Variants in USH2A observed in about 807,000 individuals in gnomAD.
USH2A encodes usherin.
Under a neutral mutation model 538.9 loss-of-function variants are expected in USH2A, and 443 were observed. The ratio of observed to expected loss-of-function variants is 0.82; its 90% CI spans 0.76 to 0.89. The LOEUF (loss-of-function observed/expected upper bound fraction) is 0.89. Ranked by LOEUF, USH2A falls within the 40% of genes least tolerant of loss-of-function variation. The pLI, the probability that USH2A is intolerant of heterozygous loss-of-function variation, is 0.00. For synonymous variants in USH2A, 2,413 were observed against 2,273.5 expected, an observed-to-expected ratio of 1.06 and a Z score of -1.75; for missense variants, 6,633 against 6,324.8, an observed-to-expected ratio of 1.05 and a Z score of -1.65.
chr1:216,196,454 T>C lies in USH2A; in HGVS notation c.4251+99A>G. 8.0e-6 allele frequency: 11 copies of C among 1,371,468 alleles called. No homozygotes were observed. The South Asian group carries it at 1.2e-4, about 15-fold the overall frequency. 85.0% of individuals were successfully genotyped at this position (1,371,468 alleles called of 1,614,324 possible). A position where few individuals can be genotyped will look rare whatever the true frequency, so the allele number is the denominator to read the frequency against. ...GAAAAAATGCCCTGTTTAATCAATATAGAGGGAGAATTCTGTCACAGAATT... is the reference window on the plus strand; with the variant it reads ...GAAAAAATGCCCTGTTTAATCAATACAGAGGGAGAATTCTGTCACAGAATT... On this transcript the variant is annotated intron_variant, in intron 19 of 71. Transcript: ENST00000307340.
chr1:215,700,634 C>T (rs2102689351), intron 61 of USH2A, among the ~76,000 whole-genome samples: 1 of 152,250 alleles, frequency 6.6e-6, no homozygotes, highest in Admixed American at 6.5e-5. Context: ...GTTTGTATTT[C>T]TGTGGGATCA....
At chr1:216,152,008 C>G (rs1377664992) in intron 21 of USH2A, among the ~76,000 whole-genome samples, 2 of 152,018 alleles carry the variant, frequency 1.3e-5, no homozygotes, top group Non-Finnish European at 2.9e-5. Context: ...TCTAACATCC[C>G]CACAATATCA....
chr1:215,932,918 A>G (rs1401390937), intron 38 of USH2A, among the ~76,000 whole-genome samples: 1 of 152,038 alleles, frequency 6.6e-6, no homozygotes, highest in Non-Finnish European at 1.5e-5. Flanking sequence ...CACATAGCGC[A>G]TATTCCGTTA....
chr1:216,348,451 A>G (rs2038219822), intron 4 of USH2A, among the ~76,000 whole-genome samples: 1 of 152,078 alleles, frequency 6.6e-6, no homozygotes, highest in Admixed American at 6.6e-5. Flanking sequence ...GCCCGAAGAT[A>G]TCTTAGGACC....
At chr1:216,266,887 GATT>G (rs1218582931) in intron 11 of USH2A, among the ~76,000 whole-genome samples, 1 of 151,724 alleles carries the variant, frequency 6.6e-6, no homozygotes, top group Non-Finnish European at 1.5e-5. Flanking sequence ...TTTGCTGATA[GATT>G]ATTATGTATT....
chr1:216,323,276 TTATA>T lies in USH2A; in HGVS notation c.1550+194_1550+197del, dbSNP rs67957139. On this transcript the variant is annotated intron_variant, in intron 8 of 71. Coordinates refer to ENST00000307340, the MANE Select transcript of USH2A (RefSeq NM_206933.4). Reference sequence around the variant, plus strand: ...TATATATTTATTTATAAAATACGTTTTATATATATATATATATATATATATAACA... The same window carrying T: ...TATATATTTATTTATAAAATACGTTTTATATATATATATATATATATAACA... 0.049 allele frequency among the ~76,000 whole-genome samples: 6,776 copies of T among 136,984 alleles called. 176 individuals are homozygous for T. Among genetic ancestry groups the T allele is most frequent in the African/African-American group, 0.069 (2,597 of 37,734 alleles). The allele number at this position is 136,984 out of a possible 152,430, so 89.9% of individuals were successfully genotyped here.
chr1:215,651,564 T>C (rs1434625544), intron 64 of USH2A, among the ~76,000 whole-genome samples: 2 of 152,042 alleles, frequency 1.3e-5, no homozygotes, highest in Admixed American at 1.3e-4. Context: ...GTGTTTCTTC[T>C]ACATTATATA....
chr1:215,795,524 AC>A (rs1277364905), intron 50 of USH2A, among the ~76,000 whole-genome samples: 2 of 152,224 alleles, frequency 1.3e-5, no homozygotes, highest in Non-Finnish European at 2.9e-5. Flanking sequence ...TACATATTTA[AC>A]AAAGGACGGA....
chr1:216,159,288 C>G (rs1356367896), intron 21 of USH2A, among the ~76,000 whole-genome samples: 1 of 152,006 alleles, frequency 6.6e-6, no homozygotes, highest in Non-Finnish European at 1.5e-5. Flanking sequence ...TGGGAAAAAG[C>G]ACTTGATATT....
At chr1:216,178,733 G>T (rs1362601554) in intron 20 of USH2A, among the ~76,000 whole-genome samples, 1 of 152,050 alleles carries the variant, frequency 6.6e-6, no homozygotes, top group African/African-American at 2.4e-5. Context: ...TGAAGGAAAT[G>T]TTCTAGGACT....
chr1:216,353,608 C>T (rs1246898740), intron 4 of USH2A, among the ~76,000 whole-genome samples: 1 of 152,024 alleles, frequency 6.6e-6, no homozygotes, highest in Non-Finnish European at 1.5e-5. Context: ...GTAATATGCA[C>T]CTTTTTTGTT....
chr1:215,970,083 T>C (rs918731770), intron 36 of USH2A, among the ~76,000 whole-genome samples: 3 of 152,190 alleles, frequency 2.0e-5, no homozygotes, highest in East Asian at 3.9e-4. Context: ...ATTTCAGATA[T>C]AGATTTCTGA....
intron 3 of USH2A, among the ~76,000 whole-genome samples, chr1:216,370,440 T>A (rs1250848345): frequency 2.7e-5 from 4 of 150,340 alleles, no homozygotes; most frequent in Admixed American, 1.3e-4. Context: ...GAGGCAGAGG[T>A]AAGTGGATCA....
chr1:215,768,744 T>C (rs1470769444), intron 55 of USH2A, among the ~76,000 whole-genome samples: 2 of 152,150 alleles, frequency 1.3e-5, no homozygotes, highest in Non-Finnish European at 2.9e-5. Flanking sequence ...AGCTCGACAA[T>C]GTCTCCCCTT....
chr1:216,184,353 T>C (rs1041252655), intron 20 of USH2A, among the ~76,000 whole-genome samples: 2 of 151,932 alleles, frequency 1.3e-5, no homozygotes, highest in Admixed American at 1.3e-4. Flanking sequence ...CAGCCTCAGA[T>C]TCATGAGTCC....
chr1:216,041,127 G>A (rs56807851), intron 32 of USH2A, among the ~76,000 whole-genome samples: 33 of 151,952 alleles, frequency 2.2e-4, no homozygotes, highest in Non-Finnish European at 4.1e-4. Context: ...CTATGGTTAC[G>A]AAAAATCCAT....
At chr1:216,325,748 A>T in intron 5 of USH2A, 149 bp from the exon 6 acceptor site, 2 of 790,540 alleles carry the variant, frequency 2.5e-6, no homozygotes, top group Non-Finnish European at 3.8e-6. Flanking sequence ...ATAAAATAAA[A>T]CTTATTTTTG....
intron 37 of USH2A, among the ~76,000 whole-genome samples, chr1:215,960,537 A>C (rs1474864885): frequency 6.6e-6 from 1 of 152,070 alleles, no homozygotes; most frequent in Non-Finnish European, 1.5e-5. Context: ...TCATTGAGCA[A>C]AGCACTTATT....
chr1:215,836,391 A>C (rs12049039), intron 47 of USH2A, among the ~76,000 whole-genome samples: 44,498 of 122,090 alleles, frequency 0.36, 8,524 homozygotes, highest in Admixed American at 0.45. Flanking sequence ...GTGGACTGGA[A>C]CTTTGCAAAT....
Sources: allele counts gnomAD v4.1 joint callset (sites outside exome capture counted in the v4.1 genomes callset), GRCh38; gene constraint gnomAD v4.1.1; transcripts MANE v1.5; gene names NCBI Gene and HGNC (gene_info 2026-07-23, HGNC 2026-07-21).